DHRSX: variants seen among roughly 807,000 people sequenced by gnomAD.
DHRSX encodes the protein polyprenol dehydrogenase.
A neutral mutation model predicts 34.0 loss-of-function variants in DHRSX; 31 were observed. The observed-to-expected ratio is 0.91, with a 90% confidence interval of 0.69 to 1.23. DHRSX has a LOEUF of 1.23. Among genes scored for constraint, DHRSX ranks in the 50% most tolerant of loss-of-function variants. DHRSX has a pLI of 0.00. For synonymous variants in DHRSX, 201 were observed against 183.8 expected (o/e 1.09, Z -0.76); for missense variants, 414 against 428.1 (o/e 0.97, Z 0.29).
intron 2 of DHRSX, among the ~76,000 whole-genome samples, chrX:2,411,391 A>G (rs180965547): frequency 0.17 from 25,604 of 151,610 alleles, 2,253 homozygotes; most frequent in South Asian, 0.26. Context: ...TCTACTAAAA[A>G]CACAAAAATT....
chrX:2,326,716 C>G (rs1397271160), intron 3 of DHRSX, among the ~76,000 whole-genome samples: 1 of 152,048 alleles, frequency 6.6e-6, no homozygotes, highest in East Asian at 1.9e-4. Flanking sequence ...GAAGTATGCC[C>G]AAAGCAATCC....
chrX:2,389,080 G>A (rs1459531192), intron 3 of DHRSX, among the ~76,000 whole-genome samples: 1 of 152,164 alleles, frequency 6.6e-6, no homozygotes, highest in Non-Finnish European at 1.5e-5. Context: ...TGTAACACTC[G>A]GCAACGCTAC....
At chrX:2,463,077 G>T (rs1367713335) in intron 1 of DHRSX, among the ~76,000 whole-genome samples, 1 of 152,106 alleles carries the variant, frequency 6.6e-6, no homozygotes, top group Non-Finnish European at 1.5e-5. Context: ...TATGAACCAG[G>T]GAGTGCATCC....
chrX:2,425,696 T>C (rs1263735162), intron 1 of DHRSX, among the ~76,000 whole-genome samples: 3 of 152,106 alleles, frequency 2.0e-5, no homozygotes, highest in Non-Finnish European at 2.9e-5. Context: ...CGTTGTAAAA[T>C]GTAGACTTTA....
intron 3 of DHRSX, among the ~76,000 whole-genome samples, chrX:2,398,408 C>A (rs748240109): frequency 5.6e-4 from 85 of 152,166 alleles, no homozygotes; most frequent in Middle Eastern, 3.4e-3. Flanking sequence ...GCTCACTGTG[C>A]CTGTCATCCC....
intron 1 of DHRSX, among the ~76,000 whole-genome samples, chrX:2,448,944 T>G (rs1319007777): frequency 6.6e-6 from 1 of 152,086 alleles, no homozygotes; most frequent in Non-Finnish European, 1.5e-5. Flanking sequence ...ATCCCAGCAC[T>G]TTGGGAGGCT....
intron 3 of DHRSX, among the ~76,000 whole-genome samples, chrX:2,382,739 C>A: frequency 9.9e-6 from 1 of 101,440 alleles, no homozygotes; most frequent in South Asian, 3.4e-4. Flanking sequence ...CCATCATCAT[C>A]GCCATCATCA....
chrX:2,343,503 C>A (rs2042665429), intron 3 of DHRSX, among the ~76,000 whole-genome samples: 1 of 152,216 alleles, frequency 6.6e-6, no homozygotes, highest in East Asian at 1.9e-4. Context: ...ACCAAACACC[C>A]TCTTCCATTG....
intron 4 of DHRSX, among the ~76,000 whole-genome samples, chrX:2,267,815 G>A (rs73628268): frequency 6.7e-4 from 102 of 152,040 alleles, no homozygotes; most frequent in Middle Eastern, 3.4e-3. Flanking sequence ...GTGTGGTGGT[G>A]CGTGCCTGTA....
intron 3 of DHRSX, among the ~76,000 whole-genome samples, chrX:2,344,028 G>A (rs2042671890): frequency 6.6e-6 from 1 of 152,018 alleles, no homozygotes; most frequent in Non-Finnish European, 1.5e-5. Context: ...TGCATCTTGG[G>A]GCTTCTGTAA....
chrX:2,353,630 C>T (rs1201111633), intron 3 of DHRSX, among the ~76,000 whole-genome samples: 1 of 148,138 alleles, frequency 6.8e-6, no homozygotes, highest in Non-Finnish European at 1.5e-5. Flanking sequence ...GTTGCCCAGG[C>T]TGGAGTGCAA....
chrX:2,328,120 A>G (rs2042411129), intron 3 of DHRSX, among the ~76,000 whole-genome samples: 1 of 151,558 alleles, frequency 6.6e-6, no homozygotes, highest in South Asian at 2.1e-4. Flanking sequence ...AGACACACAG[A>G]GTGACGACCC....
At chrX:2,385,331 T>C (rs1194691793) in intron 3 of DHRSX, among the ~76,000 whole-genome samples, 1 of 152,094 alleles carries the variant, frequency 6.6e-6, no homozygotes, top group Non-Finnish European at 1.5e-5. Context: ...GTGATGGTCA[T>C]GGTTGCTTTA....
At chrX:2,236,621 G>A (rs1466892826) in intron 6 of DHRSX, among the ~76,000 whole-genome samples, 6 of 151,916 alleles carry the variant, frequency 3.9e-5, no homozygotes, top group South Asian at 2.1e-4. Flanking sequence ...TAGTAGAGAC[G>A]GGGTTTCACC....
intron 6 of DHRSX, among the ~76,000 whole-genome samples, chrX:2,237,801 G>T (rs981451721): frequency 2.0e-5 from 3 of 152,104 alleles, no homozygotes; most frequent in African/African-American, 7.2e-5. Context: ...ACCACTCCCA[G>T]CCGATAGCTC....
At chrX:2,361,689 C>A (rs1026104591) in intron 3 of DHRSX, among the ~76,000 whole-genome samples, 20 of 152,160 alleles carry the variant, frequency 1.3e-4, no homozygotes, top group Admixed American at 2.0e-4. Context: ...GAGCACACAG[C>A]AAGCCCTACC....
intron 1 of DHRSX, among the ~76,000 whole-genome samples, chrX:2,447,442 AC>A (rs1209634941): frequency 1.3e-5 from 2 of 152,198 alleles, no homozygotes; most frequent in Non-Finnish European, 2.9e-5. Flanking sequence ...CACCTTGTAC[AC>A]AGTAAAGACA....
rs2043763635 is a variant in DHRSX, at chrX:2,420,403, C to T, written c.217+4794G>A. On this transcript the variant is annotated intron_variant, in intron 2 of 6. Coordinates refer to ENST00000334651, the MANE Select transcript of DHRSX (RefSeq NM_145177.3). ...AGCCTGGGCAATAACAGCGAAACTCCATCTCAAAAAATAATAATAATAATA... is the reference window on the plus strand; with the variant it reads ...AGCCTGGGCAATAACAGCGAAACTCTATCTCAAAAAATAATAATAATAATA... Among the ~76,000 whole-genome samples, 7 of 128,390 alleles carry T rather than the reference C, an allele frequency of 5.5e-5. No individual in the cohort carries two copies. In the Admixed American group the frequency reaches 5.8e-4, roughly 11 times the overall value. The allele number at this position is 128,390 out of a possible 152,430, so 84.2% of individuals were successfully genotyped here. A position where few individuals can be genotyped will look rare whatever the true frequency, so the allele number is the denominator to read the frequency against.
intron 2 of DHRSX, among the ~76,000 whole-genome samples, chrX:2,423,647 G>C (rs2043808470): frequency 6.6e-6 from 1 of 152,030 alleles, no homozygotes; most frequent in Non-Finnish European, 1.5e-5. Context: ...ACACATTAAG[G>C]CTTTTATTTT....
Sources: gnomAD v4.1 joint callset for allele counts (sites outside exome capture counted in the v4.1 genomes callset) on GRCh38, gnomAD v4.1.1 for gene constraint, MANE v1.5 for transcripts, NCBI Gene and HGNC (gene_info 2026-07-23, HGNC 2026-07-21) for gene names.